Variants in AGBL4 observed in about 807,000 individuals in gnomAD.
AGBL4 encodes the protein AGBL carboxypeptidase 4, also known as cytosolic carboxypeptidase 6.
AGBL4 carries 58 observed loss-of-function variants against 66.4 expected under a neutral mutation model. The ratio of observed to expected loss-of-function variants is 0.87; its 90% CI spans 0.71 to 1.09. The LOEUF (loss-of-function observed/expected upper bound fraction) is 1.09, where lower values mean the gene tolerates loss of function less well. Among genes scored for constraint, AGBL4 ranks in the 50% least tolerant of loss-of-function variants. The pLI, the probability that AGBL4 is intolerant of heterozygous loss-of-function variation, is 0.00. For missense variants in AGBL4, 579 were observed against 631.0 expected (o/e 0.92, Z 0.88); for synonymous variants, 234 against 222.9 (o/e 1.05, Z -0.44).
chr1:48,776,885 C>G, intron 6 of AGBL4: 2 of 691,322 alleles, frequency 2.9e-6, no homozygotes, highest in Non-Finnish European at 3.9e-6. Context: ...GGGGCGGGCG[C>G]GGAGGTGGGG....
intron 4 of AGBL4, among the ~76,000 whole-genome samples, chr1:49,153,563 C>A (rs978398671): frequency 1.3e-5 from 2 of 151,996 alleles, no homozygotes; most frequent in African/African-American, 4.8e-5. Flanking sequence ...GAGTAAGTAG[C>A]CCTTCCATCA....
chr1:49,394,424 T>A (rs888964550), intron 3 of AGBL4, among the ~76,000 whole-genome samples: 4 of 152,084 alleles, frequency 2.6e-5, no homozygotes, highest in Non-Finnish European at 5.9e-5. Context: ...AATCCTGCTT[T>A]ACCCACTGGG....
At chr1:48,776,754 G>A (rs1249177543) in intron 6 of AGBL4, 45 of 1,527,788 alleles carry the variant, frequency 2.9e-5, no homozygotes, top group Non-Finnish European at 3.4e-5. Context: ...GCCGCGAGCG[G>A]GGGCTGAAGT....
chr1:48,581,573 G>C (rs1362797919), intron 11 of AGBL4, among the ~76,000 whole-genome samples: 1 of 152,088 alleles, frequency 6.6e-6, no homozygotes, highest in African/African-American at 2.4e-5. Flanking sequence ...CAAATCGTTT[G>C]AACAGAGCAT....
chr1:49,240,370 A>G (rs1021463895), intron 4 of AGBL4, among the ~76,000 whole-genome samples: 3 of 151,956 alleles, frequency 2.0e-5, no homozygotes, highest in Admixed American at 6.6e-5. Context: ...CTTCATCCAC[A>G]TGACCTGGCT....
intron 3 of AGBL4, among the ~76,000 whole-genome samples, chr1:49,634,683 G>A (rs931750124): frequency 6.6e-5 from 10 of 152,296 alleles, no homozygotes; most frequent in Non-Finnish European, 1.2e-4. Context: ...CCCAACAACA[G>A]TGTAAAAGTG....
At chr1:49,931,222 C>A (rs1410670500) in intron 1 of AGBL4, among the ~76,000 whole-genome samples, 1 of 151,944 alleles carries the variant, frequency 6.6e-6, no homozygotes, top group Non-Finnish European at 1.5e-5. Context: ...ATATTATAAA[C>A]TACAAAATAT....
chr1:48,569,176 C>T (rs1435175248), intron 11 of AGBL4, among the ~76,000 whole-genome samples: 1 of 152,114 alleles, frequency 6.6e-6, no homozygotes, highest in African/African-American at 2.4e-5. Flanking sequence ...TGAATAGAGT[C>T]GAAGGTCCTT....
chr1:49,170,136 A>G (rs961600330), intron 4 of AGBL4, among the ~76,000 whole-genome samples: 1 of 150,090 alleles, frequency 6.7e-6, no homozygotes, highest in African/African-American at 2.4e-5. Flanking sequence ...AGCTAATGAA[A>G]TAAAAAGTAT....
intron 5 of AGBL4, among the ~76,000 whole-genome samples, chr1:48,877,223 T>C (rs1649316804): frequency 6.6e-6 from 1 of 152,092 alleles, no homozygotes; most frequent in African/African-American, 2.4e-5. Flanking sequence ...GAAAGCAAGG[T>C]AGTGGGGTGT....
intron 1 of AGBL4, among the ~76,000 whole-genome samples, chr1:49,865,693 C>T (rs1055689110): frequency 2.0e-5 from 3 of 152,248 alleles, no homozygotes; most frequent in Admixed American, 2.0e-4. Flanking sequence ...GCCAGAGTTC[C>T]TCCTCTCCTC....
At chr1:48,939,938 G>A (rs951382709) in intron 5 of AGBL4, among the ~76,000 whole-genome samples, 19 of 152,198 alleles carry the variant, frequency 1.2e-4, no homozygotes, top group Non-Finnish European at 2.2e-4. Flanking sequence ...CATCTAGTGG[G>A]TGGCCACAAT....
chr1:48,878,055 A>G (rs1376400431), intron 5 of AGBL4, among the ~76,000 whole-genome samples: 3 of 152,230 alleles, frequency 2.0e-5, no homozygotes, highest in Non-Finnish European at 4.4e-5. Context: ...GTAATAGGAT[A>G]CAATACAAAA....
At chr1:49,331,400 T>C (rs943555243) in intron 3 of AGBL4, among the ~76,000 whole-genome samples, 1 of 152,080 alleles carries the variant, frequency 6.6e-6, no homozygotes, top group African/African-American at 2.4e-5. Flanking sequence ...GACTAAACCC[T>C]TCAGGAGGAG....
At chr1:49,587,460 G>T (rs1199410087) in intron 3 of AGBL4, among the ~76,000 whole-genome samples, 1 of 152,040 alleles carries the variant, frequency 6.6e-6, no homozygotes, top group African/African-American at 2.4e-5. Flanking sequence ...TTAGGCAACT[G>T]GTTTTATTCA....
chr1:48,874,054 T>C (rs1252771165), intron 5 of AGBL4, among the ~76,000 whole-genome samples: 1 of 152,142 alleles, frequency 6.6e-6, no homozygotes, highest in Non-Finnish European at 1.5e-5. Context: ...AAAGTCAGTC[T>C]TTCACAGCAT....
intron 2 of AGBL4, among the ~76,000 whole-genome samples, chr1:49,792,400 A>C (rs1197530559): frequency 1.3e-5 from 2 of 152,130 alleles, no homozygotes; most frequent in Non-Finnish European, 2.9e-5. Context: ...AACCAGGAGC[A>C]AATTATAGAT....
At chr1:48,576,595 C>T (rs1362267166) in intron 11 of AGBL4, among the ~76,000 whole-genome samples, 1 of 152,166 alleles carries the variant, frequency 6.6e-6, no homozygotes, top group Non-Finnish European at 1.5e-5. Flanking sequence ...ACTCCTCACT[C>T]AGTCCCAGGC....
intron 3 of AGBL4, among the ~76,000 whole-genome samples, chr1:49,433,144 T>C (rs1396880366): frequency 2.6e-5 from 4 of 152,128 alleles, no homozygotes. Flanking sequence ...CTGTATACTT[T>C]ATAATATCCT....
Sources: allele counts gnomAD v4.1 joint callset (sites outside exome capture counted in the v4.1 genomes callset), GRCh38; gene constraint gnomAD v4.1.1; transcripts MANE v1.5; gene names NCBI Gene and HGNC (gene_info 2026-07-23, HGNC 2026-07-21).